Variants in CCM2 observed in about 807,000 individuals in gnomAD.
CCM2 encodes the protein cerebral cavernous malformations 2 protein.
A neutral mutation model predicts 44.9 loss-of-function variants in CCM2; 25 were observed. The ratio of observed to expected loss-of-function variants is 0.56; its 90% CI spans 0.41 to 0.78. The LOEUF (loss-of-function observed/expected upper bound fraction) is 0.78, where lower values mean the gene tolerates loss of function less well. Ranked by LOEUF, CCM2 falls within the 30% of genes least tolerant of loss-of-function variation. The pLI, the probability that CCM2 is intolerant of heterozygous loss-of-function variation, is 0.00. For missense variants in CCM2, 481 were observed against 580.6 expected (o/e 0.83, Z 1.76); for synonymous variants, 219 against 241.1 (o/e 0.91, Z 0.85).
chr7:45,008,225 A>C (rs1045570420), intron 1 of CCM2, among the ~76,000 whole-genome samples: 1 of 151,894 alleles, frequency 6.6e-6, no homozygotes, highest in African/African-American at 2.4e-5. Context: ...TTTTTGGTAG[A>C]GATGGGGTTT....
chr7:45,049,550 AT>A (rs1391008266), intron 2 of CCM2, among the ~76,000 whole-genome samples: 3 of 152,232 alleles, frequency 2.0e-5, no homozygotes, highest in Admixed American at 2.0e-4. Context: ...GTCCATTTTA[AT>A]GGTTGCATGA....
chr7:45,046,718 AAG>A (rs1797772773), intron 2 of CCM2, among the ~76,000 whole-genome samples: 1 of 152,246 alleles, frequency 6.6e-6, no homozygotes, highest in Non-Finnish European at 1.5e-5. Context: ...TAATTCATAA[AAG>A]AAAAAACTGA....
intron 1 of CCM2, among the ~76,000 whole-genome samples, chr7:45,015,553 T>C (rs371374488): frequency 6.6e-6 from 1 of 152,230 alleles, no homozygotes; most frequent in African/African-American, 2.4e-5. Flanking sequence ...AGCTCAGCCC[T>C]GACCAACATG....
In CCM2 at chr7:45,064,525, G is replaced by C. The variant is rs35888291; in HGVS notation, c.351G>C (p.Ala117=). ...ACGATGCTGTGCTCAGCCTGTCTGCGTACAACGTCAAGCTGGCCTGGAGGG... is the reference window on the plus strand; with the variant it reads ...ACGATGCTGTGCTCAGCCTGTCTGCCTACAACGTCAAGCTGGCCTGGAGGG... The part of the protein sequence containing the change: ...QEHDAVLSLS[A]YNVKLAWRDG... Residue 117 remains alanine, a synonymous_variant, in exon 4 of 10, where the codon GCG becomes GCC. Transcript: ENST00000258781. 1.9e-6 allele frequency: 3 copies of C among 1,613,722 alleles called. No homozygotes were observed. The highest frequency in any genetic ancestry group is 2.2e-5 in the East Asian group (1 of 44,886).
intron 1 of CCM2, among the ~76,000 whole-genome samples, chr7:45,015,769 A>G (rs1796241012): frequency 1.3e-5 from 2 of 152,156 alleles, no homozygotes; most frequent in South Asian, 4.1e-4. Flanking sequence ...AAGACACAGG[A>G]TAAAAAGCCA....
chr7:45,002,498 G>A (rs2128709548), intron 1 of CCM2, among the ~76,000 whole-genome samples: 1 of 151,986 alleles, frequency 6.6e-6, no homozygotes, highest in South Asian at 2.1e-4. Context: ...GAGCTCAGGT[G>A]GGCCTTTTTT....
Position 45,075,836 on chromosome 7 carries a change from A to C in CCM2, c.1114A>C (p.Ile372Leu). The C allele has an allele frequency of 6.2e-7, 1 of 1,613,742 alleles. No homozygotes were observed. Among genetic ancestry groups the C allele is most frequent in the South Asian group, 1.1e-5 (1 of 91,086 alleles). ...GCACTTCGAGAACTTCCTGGAGACC[A>C]TTGGCGTGAAGGATGGCCGCGGCAT... ...SQHFENFLET[I>L]GVKDGRGIIT... The change falls in exon 10 of 10, where the codon ATT becomes CTT. Residue 372 changes from isoleucine (I) to leucine (L), a missense_variant. Coordinates refer to ENST00000258781, the MANE Select transcript of CCM2 (RefSeq NM_031443.4).
chr7:45,009,347 G>A (rs955089794), intron 1 of CCM2, among the ~76,000 whole-genome samples: 1 of 138,610 alleles, frequency 7.2e-6, no homozygotes, highest in South Asian at 2.3e-4. Context: ...AAAGTTGAAA[G>A]AATTTTGCAG....
At chr7:45,069,704 C>A in intron 5 of CCM2, 122 bp from the exon 6 acceptor site, 1 of 1,269,100 alleles carries the variant, frequency 7.9e-7, no homozygotes, top group Non-Finnish European at 1.1e-6. Context: ...GGGACACATT[C>A]TGGTATCCAC....
chr7:45,003,376 C>T (rs1795722229), intron 1 of CCM2, among the ~76,000 whole-genome samples: 1 of 152,096 alleles, frequency 6.6e-6, no homozygotes, highest in Non-Finnish European at 1.5e-5. Context: ...GACAGTAATT[C>T]CTTTTTATTA....
intron 4 of CCM2, 79 bp from the exon 5 acceptor site, chr7:45,068,364 G>T: frequency 6.3e-7 from 1 of 1,590,162 alleles, no homozygotes; most frequent in Non-Finnish European, 8.6e-7. Context: ...CTGTTTCCAT[G>T]GCGGCCTCAG....
intron 1 of CCM2, among the ~76,000 whole-genome samples, chr7:45,007,631 C>T (rs1406201732): frequency 1.3e-5 from 2 of 152,114 alleles, no homozygotes; most frequent in East Asian, 3.9e-4. Context: ...TGACCATAGG[C>T]ATTAGATGTA....
intron 2 of CCM2, among the ~76,000 whole-genome samples, chr7:45,057,873 A>G (rs1360962468): frequency 6.6e-6 from 1 of 152,186 alleles, no homozygotes; most frequent in Non-Finnish European, 1.5e-5. Context: ...ATAACTATAC[A>G]TTTCCTTATG....
chr7:45,057,137 G>T (rs566648439), intron 2 of CCM2, among the ~76,000 whole-genome samples: 1 of 151,908 alleles, frequency 6.6e-6, no homozygotes, highest in African/African-American at 2.4e-5. Flanking sequence ...TATACACAAG[G>T]GTCTTTCTTG....
intron 2 of CCM2, among the ~76,000 whole-genome samples, chr7:45,052,495 T>C (rs1798059994): frequency 6.6e-6 from 1 of 152,210 alleles, no homozygotes; most frequent in African/African-American, 2.4e-5. Context: ...TGTTTAGGTT[T>C]GGGCCACCTG....
chr7:45,021,572 AAAAT>A (rs1270524152), intron 1 of CCM2, among the ~76,000 whole-genome samples: 4 of 150,988 alleles, frequency 2.6e-5, no homozygotes, highest in East Asian at 1.9e-4. Flanking sequence ...TCAAAAAAAA[AAAAT>A]AAAATAAAAT....
At position 45,000,307 on chromosome 7, in the gene CCM2, CGGGCCGCGGG is replaced by C. The variant is rs1795537321; in HGVS notation, c.-26_-17del. ...GGCGGGGCTCCCGGGGCGGGCCGGGCGGGCCGCGGGAGCCGCACGCGGCGATATGGAAGAG... is the reference window on the plus strand; with the variant it reads ...GGCGGGGCTCCCGGGGCGGGCCGGGCAGCCGCACGCGGCGATATGGAAGAG... On this transcript the variant is annotated 5_prime_UTR_variant, in exon 1 of 10. Transcript: ENST00000258781. 1 of 1,230,954 alleles carries C rather than the reference CGGGCCGCGGG, an allele frequency of 8.1e-7. No individual in the cohort carries two copies. The highest frequency in any genetic ancestry group is 1.7e-5 in the African/African-American group (1 of 59,548). 76.3% of individuals were successfully genotyped at this position (1,230,954 alleles called of 1,614,324 possible).
chr7:45,049,526 C>T (rs1797906340), intron 2 of CCM2, among the ~76,000 whole-genome samples: 1 of 152,200 alleles, frequency 6.6e-6, no homozygotes. Context: ...CATTAGCACA[C>T]ATAAAACTGC....
At chr7:45,022,290 C>CTTTTTT (rs34095527) in intron 1 of CCM2, among the ~76,000 whole-genome samples, 11 of 45,452 alleles carry the variant, frequency 2.4e-4, no homozygotes, top group African/African-American at 4.5e-4. Context: ...TTTGGACCAG[C>CTTTTTT]TTTTTTTTTT....
Sources: gnomAD v4.1 joint callset for allele counts (sites outside exome capture counted in the v4.1 genomes callset) on GRCh38, gnomAD v4.1.1 for gene constraint, MANE v1.5 for transcripts, NCBI Gene and HGNC (gene_info 2026-07-23, HGNC 2026-07-21) for gene names.